The following ADAMTS12 variants were observed in gnomAD, a reference collection of about 807,000 sequenced individuals.
ADAMTS12 encodes ADAM metallopeptidase with thrombospondin type 1 motif 12.
A neutral mutation model predicts 167.8 loss-of-function variants in ADAMTS12; 118 were observed. The ratio of observed to expected loss-of-function variants is 0.70; its 90% CI spans 0.61 to 0.82. The LOEUF is 0.82. Ranked by LOEUF, ADAMTS12 falls within the 40% of genes least tolerant of loss-of-function variation. The pLI, the probability that ADAMTS12 is intolerant of heterozygous loss-of-function variation, is 0.00. For missense variants in ADAMTS12, 1,916 were observed against 1,998.8 expected (o/e 0.96, Z 0.79); for synonymous variants, 704 against 716.9 (o/e 0.98, Z 0.29).
rs115707926 is a variant in ADAMTS12, at chr5:33,755,492, C to T, written c.490-3944G>A. 2.4e-3 allele frequency among the ~76,000 whole-genome samples: 363 copies of T among 152,298 alleles called. 4 individuals carry two copies. Among genetic ancestry groups the T allele is most frequent in the African/African-American group, 8.4e-3 (348 of 41,566 alleles). The stretch of plus-strand genomic sequence containing the variant: ...TCTCCTCCCTCCCCTCAACTTGCAT[C>T]AACATATTAGTCATCTTGATGTATG... On this transcript the variant is annotated intron_variant, in intron 2 of 23. Coordinates refer to ENST00000504830, the MANE Select transcript of ADAMTS12 (RefSeq NM_030955.4).
intron 21 of ADAMTS12, among the ~76,000 whole-genome samples, chr5:33,548,848 G>A (rs1340842884): frequency 6.6e-6 from 1 of 152,166 alleles, no homozygotes; most frequent in Non-Finnish European, 1.5e-5. Context: ...AGCATGTTAG[G>A]CTCTGTCTGT....
At chr5:33,609,458 C>A (rs1487966106) in intron 16 of ADAMTS12, among the ~76,000 whole-genome samples, 1 of 150,970 alleles carries the variant, frequency 6.6e-6, no homozygotes, top group Non-Finnish European at 1.5e-5. Flanking sequence ...GCAGCCTCAA[C>A]CTCCTGGGCT....
At chr5:33,575,308 C>G (rs554987929) in intron 19 of ADAMTS12, among the ~76,000 whole-genome samples, 1 of 152,138 alleles carries the variant, frequency 6.6e-6, no homozygotes, top group Non-Finnish European at 1.5e-5. Flanking sequence ...AGTCTCAAAA[C>G]TAGGTTTTTG....
intron 5 of ADAMTS12, among the ~76,000 whole-genome samples, chr5:33,677,025 T>C (rs1408961150): frequency 6.6e-6 from 1 of 152,150 alleles, no homozygotes; most frequent in African/African-American, 2.4e-5. Flanking sequence ...CATAGTCACC[T>C]AGGATGGGAT....
At chr5:33,564,097 T>C (rs1188727253) in intron 19 of ADAMTS12, among the ~76,000 whole-genome samples, 1 of 152,170 alleles carries the variant, frequency 6.6e-6, no homozygotes, top group Non-Finnish European at 1.5e-5. Flanking sequence ...GTGGACAGCC[T>C]CCCACAGGCC....
At chr5:33,695,945 G>C (rs1227902994) in intron 3 of ADAMTS12, among the ~76,000 whole-genome samples, 1 of 152,140 alleles carries the variant, frequency 6.6e-6, no homozygotes, top group East Asian at 1.9e-4. Context: ...ATGTCAAATT[G>C]AATACAGATT....
intron 1 of ADAMTS12, among the ~76,000 whole-genome samples, chr5:33,891,144 G>A (rs10428550): frequency 0.05 from 7,667 of 152,204 alleles, 666 homozygotes; most frequent in African/African-American, 0.18. Context: ...GAAGCAGCCA[G>A]CTGTGGTCAG....
intron 5 of ADAMTS12, 72 bp downstream of exon 5, chr5:33,682,946 G>T: frequency 3.1e-6 from 4 of 1,275,826 alleles, no homozygotes; most frequent in Non-Finnish European, 4.5e-6. Context: ...TGTCTACCAA[G>T]AACTCCCCTG....
intron 3 of ADAMTS12, among the ~76,000 whole-genome samples, chr5:33,716,358 C>T (rs1366676799): frequency 6.6e-6 from 1 of 152,128 alleles, no homozygotes; most frequent in East Asian, 1.9e-4. Flanking sequence ...ATTAACCAGT[C>T]TAAGACTGTT....
intron 3 of ADAMTS12, among the ~76,000 whole-genome samples, chr5:33,701,248 C>T (rs1161042341): frequency 5.3e-5 from 8 of 152,208 alleles, no homozygotes; most frequent in Admixed American, 5.2e-4. Context: ...GTTCTACTCC[C>T]CAACATCTGA....
intron 2 of ADAMTS12, among the ~76,000 whole-genome samples, chr5:33,868,157 A>C (rs1749900267): frequency 6.6e-6 from 1 of 152,164 alleles, no homozygotes; most frequent in Admixed American, 6.5e-5. Context: ...TAAATTACCT[A>C]GTCACAGGTA....
chr5:33,697,208 G>C (rs1742813144), intron 3 of ADAMTS12, among the ~76,000 whole-genome samples: 1 of 152,094 alleles, frequency 6.6e-6, no homozygotes, highest in Non-Finnish European at 1.5e-5. Flanking sequence ...GGCTCTCTAG[G>C]GAAAGATAAG....
At chr5:33,807,360 TCAGA>T (rs1340135369) in intron 2 of ADAMTS12, among the ~76,000 whole-genome samples, 7 of 152,216 alleles carry the variant, frequency 4.6e-5, no homozygotes, top group Non-Finnish European at 1.0e-4. Context: ...GGCTCCAGAA[TCAGA>T]CAGACTCAGC....
intron 12 of ADAMTS12, among the ~76,000 whole-genome samples, chr5:33,631,858 T>C (rs1198487464): frequency 6.6e-6 from 1 of 152,194 alleles, no homozygotes; most frequent in Non-Finnish European, 1.5e-5. Context: ...GCAGGGCTGT[T>C]AGTTCCTTCA....
At chr5:33,606,443 T>C (rs1339067484) in intron 16 of ADAMTS12, among the ~76,000 whole-genome samples, 2 of 152,036 alleles carry the variant, frequency 1.3e-5, no homozygotes, top group Non-Finnish European at 2.9e-5. Flanking sequence ...AATGAGAAAA[T>C]AAGGAGTACC....
rs541862602 is a variant in ADAMTS12, at chr5:33,613,165, C to T, written c.2527+1073G>A. Among the ~76,000 whole-genome samples the T allele has an allele frequency of 1.8e-3, 270 of 152,284 alleles. 1 individual carries two copies. The highest frequency in any genetic ancestry group is 6.3e-3 in the African/African-American group (260 of 41,560). The stretch of plus-strand genomic sequence containing the variant: ...TCACCAATTCTGGCACATCACTCTG[C>T]AGCTGTCCTAGTTTTGCAGGTTGCA... On this transcript the variant is annotated intron_variant, in intron 16 of 23. Coordinates refer to ENST00000504830, the MANE Select transcript of ADAMTS12 (RefSeq NM_030955.4).
At chr5:33,554,540 A>G (rs1745403732) in intron 20 of ADAMTS12, among the ~76,000 whole-genome samples, 2 of 152,188 alleles carry the variant, frequency 1.3e-5, no homozygotes, top group Non-Finnish European at 2.9e-5. Flanking sequence ...ATGTAGGGAT[A>G]CTCAGTGTAT....
At chr5:33,831,058 C>G (rs1390557355) in intron 2 of ADAMTS12, among the ~76,000 whole-genome samples, 1 of 152,046 alleles carries the variant, frequency 6.6e-6, no homozygotes, top group Non-Finnish European at 1.5e-5. Context: ...ATGGAGAACA[C>G]ACACAAAAAC....
chr5:33,674,352 C>T (rs935888094), intron 5 of ADAMTS12, among the ~76,000 whole-genome samples: 1 of 152,158 alleles, frequency 6.6e-6, no homozygotes, highest in African/African-American at 2.4e-5. Context: ...ATAGGAACTG[C>T]TAGTAGAAGA....
Sources: allele counts gnomAD v4.1 joint callset (sites outside exome capture counted in the v4.1 genomes callset), GRCh38; gene constraint gnomAD v4.1.1; transcripts MANE v1.5; gene names NCBI Gene and HGNC (gene_info 2026-07-23, HGNC 2026-07-21).